Variants in CNTNAP5 observed in about 807,000 individuals in gnomAD.
The protein encoded by CNTNAP5 is contactin-associated protein-like 5.
A neutral mutation model predicts 150.2 loss-of-function variants in CNTNAP5; 72 were observed. The ratio of observed to expected loss-of-function variants is 0.48; its 90% CI spans 0.40 to 0.58. The LOEUF (loss-of-function observed/expected upper bound fraction) is 0.58. CNTNAP5 is among the 20% of genes least tolerant of loss of function. The pLI is 0.00. For missense variants in CNTNAP5, 1,636 were observed against 1,626.2 expected (o/e 1.01, Z -0.10); for synonymous variants, 672 against 619.8 (o/e 1.08, Z -1.25).
intron 1 of CNTNAP5, among the ~76,000 whole-genome samples, chr2:124,126,790 C>G (rs1162642446): frequency 6.6e-6 from 1 of 152,180 alleles, no homozygotes; most frequent in Non-Finnish European, 1.5e-5. Flanking sequence ...ATCATATAAA[C>G]AGAACCAAAG....
chr2:124,227,082 C>A (rs897999997), intron 2 of CNTNAP5, among the ~76,000 whole-genome samples: 11 of 152,060 alleles, frequency 7.2e-5, no homozygotes, highest in Admixed American at 2.6e-4. Flanking sequence ...ACAGGACAAA[C>A]GTTCAAGTTA....
At chr2:124,707,855 T>C (rs1030472479) in intron 13 of CNTNAP5, among the ~76,000 whole-genome samples, 2 of 152,206 alleles carry the variant, frequency 1.3e-5, no homozygotes, top group African/African-American at 4.8e-5. Flanking sequence ...CTGAATTACA[T>C]ACAATTATTA....
chr2:124,758,525 GC>G (rs1201977495), intron 14 of CNTNAP5, among the ~76,000 whole-genome samples: 18 of 152,126 alleles, frequency 1.2e-4, no homozygotes, highest in Admixed American at 9.2e-4. Context: ...GACATTAGGG[GC>G]CGACATGTTC....
intron 10 of CNTNAP5, among the ~76,000 whole-genome samples, chr2:124,552,059 T>A (rs1573453632): frequency 6.6e-6 from 1 of 152,160 alleles, no homozygotes; most frequent in East Asian, 1.9e-4. Flanking sequence ...AAAGGACCAT[T>A]TTCTTTTAAT....
intron 11 of CNTNAP5, among the ~76,000 whole-genome samples, chr2:124,605,368 A>G (rs1045578557): frequency 6.6e-6 from 1 of 152,240 alleles, no homozygotes; most frequent in Non-Finnish European, 1.5e-5. Context: ...GGAGTTGCTG[A>G]AGCTGGTTGT....
intron 4 of CNTNAP5, among the ~76,000 whole-genome samples, chr2:124,433,971 T>A (rs999878898): frequency 1.3e-5 from 2 of 152,170 alleles, no homozygotes; most frequent in Admixed American, 6.5e-5. Flanking sequence ...TTTTGCTGAG[T>A]ATTTTTTTCC....
At position 124,272,840 on chromosome 2, in the gene CNTNAP5, G is replaced by A. The variant is rs565352274; in HGVS notation, c.381+30447G>A. ...TTTATGAAAAATAATTCAAAACATC[G>A]TAGAAAAGATTATTAGGTTCTGTTT... On this transcript the variant is annotated intron_variant, in intron 3 of 23. Transcript: ENST00000682447. Among the ~76,000 whole-genome samples, 6 of 151,998 alleles carry A rather than the reference G, an allele frequency of 3.9e-5. No homozygotes were observed. The East Asian group carries it at 7.7e-4, about 20-fold the overall frequency.
intron 3 of CNTNAP5, among the ~76,000 whole-genome samples, chr2:124,399,595 G>T (rs535645151): frequency 5.3e-4 from 80 of 152,050 alleles, no homozygotes; most frequent in African/African-American, 1.8e-3. Flanking sequence ...GTCATCATTT[G>T]TTTCTCATGA....
chr2:124,451,974 G>C (rs926547879), intron 6 of CNTNAP5, among the ~76,000 whole-genome samples: 1 of 152,102 alleles, frequency 6.6e-6, no homozygotes, highest in Non-Finnish European at 1.5e-5. Context: ...ACTGAGAAAA[G>C]GCCATAGGGA....
chr2:124,218,051 G>A (rs1286860349), intron 1 of CNTNAP5, among the ~76,000 whole-genome samples: 2 of 152,066 alleles, frequency 1.3e-5, no homozygotes, highest in Non-Finnish European at 2.9e-5. Context: ...CAAGTTTATT[G>A]TTCTCATTTA....
intron 2 of CNTNAP5, among the ~76,000 whole-genome samples, chr2:124,227,627 G>A (rs2104748180): frequency 7.2e-6 from 1 of 139,780 alleles, no homozygotes; most frequent in Non-Finnish European, 1.5e-5. Context: ...TATAAACTCA[G>A]CACATCGTGT....
intron 1 of CNTNAP5, among the ~76,000 whole-genome samples, chr2:124,072,258 G>A (rs1177768030): frequency 1.3e-5 from 2 of 150,418 alleles, no homozygotes; most frequent in African/African-American, 2.4e-5. Flanking sequence ...CAGACCCACA[G>A]CTGGTATTAT....
intron 21 of CNTNAP5, among the ~76,000 whole-genome samples, chr2:124,876,428 TTCTTC>T (rs1331019811): frequency 6.6e-6 from 1 of 151,418 alleles, no homozygotes; most frequent in African/African-American, 2.4e-5. Flanking sequence ...ATGCCACCTC[TTCTTC>T]TCTTTTGCAT....
chr2:124,524,555 T>A, intron 9 of CNTNAP5, 103 bp downstream of exon 9: 1 of 1,113,516 alleles, frequency 9.0e-7, no homozygotes, highest in East Asian at 2.6e-5. Context: ...TAGACAATTC[T>A]CCCAACACAC....
At chr2:124,717,607 G>A (rs933204276) in intron 13 of CNTNAP5, among the ~76,000 whole-genome samples, 16 of 152,272 alleles carry the variant, frequency 1.1e-4, no homozygotes, top group African/African-American at 3.8e-4. Flanking sequence ...TGTGACATAA[G>A]GACCTGGAAT....
chr2:124,633,811 G>A (rs972576958), intron 12 of CNTNAP5, among the ~76,000 whole-genome samples: 2 of 152,176 alleles, frequency 1.3e-5, no homozygotes, highest in Admixed American at 6.6e-5. Context: ...CTTGTACTCT[G>A]TGAACCCTCA....
intron 19 of CNTNAP5, among the ~76,000 whole-genome samples, chr2:124,858,940 A>G (rs1053360626): frequency 6.6e-6 from 1 of 152,198 alleles, no homozygotes; most frequent in Non-Finnish European, 1.5e-5. Context: ...TGTTAGACCT[A>G]AAACCATGAA....
chr2:124,883,655 T>G (rs1573686200), intron 21 of CNTNAP5, among the ~76,000 whole-genome samples: 2 of 152,148 alleles, frequency 1.3e-5, no homozygotes, highest in African/African-American at 4.8e-5. Flanking sequence ...TATGTATGTG[T>G]ACGCATATGT....
At chr2:124,508,124 A>G (rs1694458041) in intron 8 of CNTNAP5, among the ~76,000 whole-genome samples, 1 of 152,192 alleles carries the variant, frequency 6.6e-6, no homozygotes, top group Admixed American at 6.5e-5. Context: ...CAATTAAATG[A>G]GGTAGTATAT....
Sources: allele counts gnomAD v4.1 joint callset (sites outside exome capture counted in the v4.1 genomes callset), GRCh38; gene constraint gnomAD v4.1.1; transcripts MANE v1.5; gene names NCBI Gene and HGNC (gene_info 2026-07-23, HGNC 2026-07-21).